NPR1: variants seen among roughly 807,000 people sequenced by gnomAD.
The protein encoded by NPR1 is atrial natriuretic peptide receptor 1.
A neutral mutation model predicts 116.9 loss-of-function variants in NPR1; 57 were observed. That is an observed-to-expected ratio of 0.49 (90% CI 0.39 to 0.61). The LOEUF (loss-of-function observed/expected upper bound fraction) is 0.61, where lower values mean the gene tolerates loss of function less well. Ranked by LOEUF, NPR1 falls within the 20% of genes least tolerant of loss-of-function variation. The probability of loss-of-function intolerance (pLI) is 0.00; values close to 1 mark genes in which losing one functional copy is unlikely to be tolerated. For synonymous variants in NPR1, 555 were observed against 601.6 expected, an observed-to-expected ratio of 0.92 and a Z score of 1.13; for missense variants, 1,096 against 1,409.8, an observed-to-expected ratio of 0.78 and a Z score of 3.56.
chr1:153,679,146 GCCTGCT>G lies in NPR1; in HGVS notation c.51_56del (p.Leu19_Leu20del), dbSNP rs1021769501. 2.0e-6 allele frequency: 3 copies of G among 1,475,062 alleles called. No homozygotes were observed. The highest frequency in any genetic ancestry group is 1.3e-5 in the South Asian group (1 of 76,766). 91.4% of individuals were successfully genotyped at this position (1,475,062 alleles called of 1,614,324 possible). A position where few individuals can be genotyped will look rare whatever the true frequency, so the allele number is the denominator to read the frequency against. ...CGGCGCCCCGCTGGCTCCCGCCTGC[GCCTGCT>G]CCTGCTCCTGCTGCTGCCGCCGCTG... is the stretch of plus-strand genomic sequence containing the variant. On this transcript the variant is annotated inframe_deletion, in exon 1 of 22. Coordinates refer to ENST00000368680, the MANE Select transcript of NPR1 (RefSeq NM_000906.4). The surrounding 1 kb of genome is among the most constrained non-coding windows in gnomAD (Gnocchi z 4.2).
At chr1:153,683,676 A>G in intron 6 of NPR1, 64 bp from the exon 7 acceptor site, 1 of 1,570,134 alleles carries the variant, frequency 6.4e-7, no homozygotes, top group Non-Finnish European at 8.8e-7. Flanking sequence ...GGACTATTAG[A>G]AAGTTCTTCC....
chr1:153,683,616 A>T, intron 6 of NPR1, 105 bp downstream of exon 6: 1 of 1,556,742 alleles, frequency 6.4e-7, no homozygotes, highest in East Asian at 2.2e-5. Flanking sequence ...CTTTCTGGAG[A>T]ATGACTCCTG....
intron 20 of NPR1, among the ~76,000 whole-genome samples, chr1:153,692,615 C>T (rs1244148858): frequency 1.3e-5 from 2 of 151,492 alleles, no homozygotes; most frequent in East Asian, 1.9e-4. Flanking sequence ...CAGGTTCAAG[C>T]GATTCTCCTG....
In NPR1 at chr1:153,679,750, G is replaced by T. The variant is rs1197411608; in HGVS notation, c.642G>T (p.Thr214=). ...GGGTCCGCGACCGCCTCAATATTACGGTGGACCACCTGGAGTTCGCCGAGG... is the reference window on the plus strand; with the variant it reads ...GGGTCCGCGACCGCCTCAATATTACTGTGGACCACCTGGAGTTCGCCGAGG... ...FMRVRDRLNI[T]VDHLEFAEDD... is the part of the protein sequence containing the mutation. Residue 214 remains threonine (T), a synonymous_variant, in exon 1 of 22, where the codon ACG becomes ACT. Transcript: ENST00000368680. The surrounding 1 kb of genome is among the most constrained non-coding windows in gnomAD (Gnocchi z 4.2). The T allele has an allele frequency of 1.9e-6, 3 of 1,591,970 alleles. No homozygotes were observed. The highest frequency in any genetic ancestry group is 2.6e-6 in the Non-Finnish European group (3 of 1,172,766).
rs1669747716 is a variant in NPR1, at chr1:153,680,706, T to C, written c.921+6T>C. The C allele has an allele frequency of 6.2e-7, 1 of 1,606,826 alleles. No homozygotes were observed. Among genetic ancestry groups the C allele is most frequent in the African/African-American group, 1.3e-5 (1 of 74,682 alleles). ...GTGCCCGCCAGGCCTTTCAGGTGAGTACCTAGGTTTGAAGCCCAGGCTGTC... is the reference window on the plus strand; with the variant it reads ...GTGCCCGCCAGGCCTTTCAGGTGAGCACCTAGGTTTGAAGCCCAGGCTGTC... On this transcript the variant is annotated splice_donor_region_variant and intron_variant, in intron 2 of 21. Coordinates refer to ENST00000368680, the MANE Select transcript of NPR1 (RefSeq NM_000906.4).
chr1:153,686,800 GC>G, intron 11 of NPR1, 50 bp downstream of exon 11: 1 of 1,530,684 alleles, frequency 6.5e-7, no homozygotes, highest in South Asian at 1.2e-5. Context: ...CCCTGGCTCT[GC>G]CCCTGACTGG....
chr1:153,688,778 T>C (rs1557964873), intron 15 of NPR1, 175 bp from the exon 16 acceptor site: 10 of 692,114 alleles, frequency 1.4e-5, no homozygotes, highest in Non-Finnish European at 2.4e-5. Flanking sequence ...CAGAAAAGAA[T>C]TGAACTTTCT....
intron 20 of NPR1, 53 bp from the exon 21 acceptor site, chr1:153,693,053 C>T (rs1670148413): frequency 6.9e-7 from 1 of 1,438,930 alleles, no homozygotes; most frequent in East Asian, 2.3e-5. Flanking sequence ...CCTCTACTTT[C>T]CTGCTCTCCT....
Position 153,689,406 on chromosome 1 carries a change from G to A in NPR1, c.2689-47G>A. 1 of 1,612,774 alleles carries A rather than the reference G, an allele frequency of 6.2e-7. No homozygotes were observed. The highest frequency in any genetic ancestry group is 8.5e-7 in the Non-Finnish European group (1 of 1,178,794). On this transcript the variant is annotated intron_variant, in intron 17 of 21. Coordinates refer to ENST00000368680, the MANE Select transcript of NPR1 (RefSeq NM_000906.4). This position sits in a 1 kb window ranked among gnomAD's most constrained non-coding sequence, Gnocchi z 5.1. ...TTCTGCTTTACCCACCTGACCCCAG[G>A]TGGGGTCCCCTACTTCCTGTCTCTC...
Position 153,687,321 on chromosome 1 carries a change from A to G in NPR1, c.2057A>G (p.Asp686Gly), listed in dbSNP as rs1234530080. Residue 686 changes from aspartate (D) to glycine (G), a missense_variant, in exon 13 of 22, where the codon GAC becomes GGC. Asp to Gly is a moderately conservative substitution (Grantham distance 94). Coordinates refer to ENST00000368680, the MANE Select transcript of NPR1 (RefSeq NM_000906.4). ...GACTATGGGCTGGAGAGCTTCAGGG[A>G]CCTGGACCCAGAGCAAGGACACACC... ...ITDYGLESFR[D>G]LDPEQGHTVY... 1 of 1,613,972 alleles carries G rather than the reference A, an allele frequency of 6.2e-7. No homozygotes were observed. The highest frequency in any genetic ancestry group is 8.5e-7 in the Non-Finnish European group (1 of 1,179,950).
Position 153,680,647 on chromosome 1 carries a change from A to G in NPR1, c.868A>G (p.Arg290Gly). Reference protein sequence around the residue: ...LQGGQGPAPRRPWERGDGQDV... With the variant: ...LQGGQGPAPRGPWERGDGQDV... ...AGGTGGACAGGGCCCTGCTCCCCGC[A>G]GGCCCTGGGAGAGAGGGGATGGGCA... Residue 290 changes from arginine to glycine, a missense_variant, in exon 2 of 22, where the codon AGG becomes GGG. Coordinates refer to ENST00000368680, the MANE Select transcript of NPR1 (RefSeq NM_000906.4). 6.2e-7 allele frequency: 1 copy of G among 1,614,124 alleles called. No individual in the cohort carries two copies. Among genetic ancestry groups the G allele is most frequent in the Non-Finnish European group, 8.5e-7 (1 of 1,180,000 alleles).
chr1:153,687,176 A>G lies in NPR1; in HGVS notation c.1936-24A>G, dbSNP rs752892770. On this transcript the variant is annotated intron_variant, in intron 12 of 21. Coordinates refer to ENST00000368680, the MANE Select transcript of NPR1 (RefSeq NM_000906.4). ...GGTGTAGGTCCCACTCCTGGCCAAT[A>G]CCTCTGCCCACTCACATTTCCAGGG... The G allele has an allele frequency of 6.2e-6, 10 of 1,613,508 alleles. No individual in the cohort carries two copies. In the South Asian group the frequency reaches 1.1e-4, roughly 18 times the overall value.
Position 153,679,364 on chromosome 1 carries a change from G to A in NPR1, c.256G>A (p.Glu86Lys). 1 of 1,539,654 alleles carries A rather than the reference G, an allele frequency of 6.5e-7. No homozygotes were observed. Residue 86 changes from glutamate (E) to lysine (K), a missense_variant, in exon 1 of 22, where the codon GAA (glutamate) becomes AAA (lysine). Transcript: ENST00000368680. This position sits in a 1 kb window ranked among gnomAD's most constrained non-coding sequence, Gnocchi z 4.2. ...GGTCCGCACGGTGCTGGGCAGCAGC[G>A]AAAACGCGCTGGGCGTCTGCTCCGA... ...WTVRTVLGSS[E>K]NALGVCSDTA...
chr1:153,685,135 A>G (rs772543781), intron 8 of NPR1, 51 bp downstream of exon 8: 3 of 1,603,198 alleles, frequency 1.9e-6, no homozygotes, highest in Admixed American at 1.7e-5. Context: ...AGGTGGGTAC[A>G]AGGGGCAGTG....
Position 153,689,225 on chromosome 1 carries a change from C to T in NPR1, c.2602C>T (p.Gln868Ter). The T allele has an allele frequency of 6.2e-7, 1 of 1,614,210 alleles. No homozygotes were observed. The highest frequency in any genetic ancestry group is 8.5e-7 in the Non-Finnish European group (1 of 1,180,024). The change falls in exon 17 of 22, where the codon CAG becomes TAG. Residue 868 changes from glutamine to a stop codon, truncating the protein, a stop_gained. Coordinates refer to ENST00000368680, the MANE Select transcript of NPR1 (RefSeq NM_000906.4). LOFTEE classifies it high-confidence loss of function. The surrounding 1 kb of genome is among the most constrained non-coding windows in gnomAD (Gnocchi z 5.1). ...GCAGCTGAAGCGTGGGGAGACGGTG[C>T]AGGCCGAAGCCTTTGACAGTGTTAC... is the stretch of plus-strand genomic sequence containing the variant. The part of the protein sequence containing the change: ...AEQLKRGETV[Q>*]AEAFDSVTIY...
chr1:153,692,839 A>G (rs1378648857), intron 20 of NPR1, among the ~76,000 whole-genome samples: 1 of 152,154 alleles, frequency 6.6e-6, no homozygotes, highest in Non-Finnish European at 1.5e-5. Flanking sequence ...TTTAGTTTAA[A>G]TTAATTTAAG....
At chr1:153,681,637 T>TC in intron 3 of NPR1, 67 bp from the exon 4 acceptor site, 1 of 1,564,788 alleles carries the variant, frequency 6.4e-7, no homozygotes, top group East Asian at 2.3e-5. Flanking sequence ...CTTGTTCCCT[T>TC]CCCCACAGCT....
intron 20 of NPR1, among the ~76,000 whole-genome samples, chr1:153,691,294 C>T (rs936127629): frequency 2.0e-5 from 3 of 152,214 alleles, no homozygotes; most frequent in African/African-American, 4.8e-5. Context: ...TACTCCTACC[C>T]GCCCCTTGCT....
chr1:153,679,120 C>T lies in NPR1; in HGVS notation c.12C>T (p.Pro4=). 2.1e-6 allele frequency: 3 copies of T among 1,432,838 alleles called. No homozygotes were observed. Among genetic ancestry groups the T allele is most frequent in the Non-Finnish European group, 2.7e-6 (3 of 1,104,512 alleles). The allele number at this position is 1,432,838 out of a possible 1,614,324, so 88.8% of individuals were successfully genotyped here. Residue 4 remains proline (P), a synonymous_variant, in exon 1 of 22, where the codon CCC becomes CCT. Transcript: ENST00000368680. The surrounding 1 kb of genome is among the most constrained non-coding windows in gnomAD (Gnocchi z 4.2). ...TGCCCGCTGAGGCCATGCCGGGGCC[C>T]CGGCGCCCCGCTGGCTCCCGCCTGC... MPG[P]RRPAGSRLRL...
Sources: allele counts gnomAD v4.1 joint callset (sites outside exome capture counted in the v4.1 genomes callset), GRCh38; gene constraint gnomAD v4.1.1; non-coding constraint Gnocchi (gnomAD v3.1); transcripts MANE v1.5; gene names NCBI Gene and HGNC (gene_info 2026-07-23, HGNC 2026-07-21).